The following NKAIN3 variants were observed in gnomAD, a reference collection of about 807,000 sequenced individuals.
NKAIN3 encodes the protein sodium/potassium transporting ATPase interacting 3, also known as sodium/potassium-transporting ATPase subunit beta-1-interacting protein 3.
In NKAIN3, 25 loss-of-function variants were observed where a neutral mutation model predicts 30.2. That is an observed-to-expected ratio of 0.83 (90% CI 0.60 to 1.16). NKAIN3 has a LOEUF of 1.16. NKAIN3 is among the 50% of genes most tolerant of loss of function. The probability of loss-of-function intolerance (pLI) is 0.00; values close to 1 mark genes in which losing one functional copy is unlikely to be tolerated. For missense variants in NKAIN3, 225 were observed against 254.1 expected (o/e 0.89, Z 0.78); for synonymous variants, 91 against 89.6 (o/e 1.02, Z -0.09).
chr8:62,835,956 T>C (rs147672534), intron 4 of NKAIN3, among the ~76,000 whole-genome samples: 19 of 152,092 alleles, frequency 1.2e-4, no homozygotes, highest in African/African-American at 4.1e-4. Context: ...CAGTGGTGGA[T>C]TGGATAAAGA....
chr8:62,374,590 A>C (rs891584009), intron 1 of NKAIN3, among the ~76,000 whole-genome samples: 7 of 152,218 alleles, frequency 4.6e-5, no homozygotes, highest in African/African-American at 1.7e-4. Flanking sequence ...TTCTTGGTGC[A>C]AATTGTACAT....
chr8:62,989,055 T>C (rs923021718), downstream of NKAIN3, among the ~76,000 whole-genome samples: 8 of 152,210 alleles, frequency 5.3e-5, no homozygotes, highest in Non-Finnish European at 1.2e-4. Flanking sequence ...ACAAGTTCCT[T>C]ATCTCCATCT....
chr8:62,667,375 AAAT>A (rs1444304576), intron 3 of NKAIN3, among the ~76,000 whole-genome samples: 15 of 145,092 alleles, frequency 1.0e-4, no homozygotes, highest in Non-Finnish European at 1.0e-4. Flanking sequence ...ATATATATAT[AAAT>A]ATATATATAT....
chr8:62,456,624 G>A (rs186451522), intron 1 of NKAIN3, among the ~76,000 whole-genome samples: 1 of 152,248 alleles, frequency 6.6e-6, no homozygotes, highest in East Asian at 1.9e-4. Flanking sequence ...TCATAGGTTT[G>A]CCTTGGCCTT....
At chr8:62,859,097 C>G (rs759898091) in intron 4 of NKAIN3, among the ~76,000 whole-genome samples, 1 of 152,164 alleles carries the variant, frequency 6.6e-6, no homozygotes, top group Non-Finnish European at 1.5e-5. Context: ...TCTCCTGATC[C>G]GCAGGTTGCA....
At chr8:62,280,427 G>A (rs1460237521) in intron 1 of NKAIN3, among the ~76,000 whole-genome samples, 2 of 152,106 alleles carry the variant, frequency 1.3e-5, no homozygotes, top group Non-Finnish European at 2.9e-5. Context: ...TAGGAGTGGT[G>A]AGAGACGGCA....
At chr8:62,627,977 T>C (rs925619610) in intron 3 of NKAIN3, among the ~76,000 whole-genome samples, 14 of 152,140 alleles carry the variant, frequency 9.2e-5, no homozygotes, top group South Asian at 2.1e-4. Context: ...ACAGGCCTTC[T>C]TCCTGGCACT....
intron 1 of NKAIN3, among the ~76,000 whole-genome samples, chr8:62,552,222 A>T (rs1809240162): frequency 6.6e-6 from 1 of 152,302 alleles, no homozygotes; most frequent in East Asian, 1.9e-4. Context: ...CATTTATTTT[A>T]AGAAAATTTA....
At chr8:62,526,834 G>GGCTTA (rs1374507759) in intron 1 of NKAIN3, among the ~76,000 whole-genome samples, 4 of 152,080 alleles carry the variant, frequency 2.6e-5, no homozygotes, top group Non-Finnish European at 4.4e-5. Flanking sequence ...ATTTGGTTAA[G>GGCTTA]GCTTAGCCCG....
rs896331971 is a variant in NKAIN3, at chr8:62,965,683, G to A, written c.*276G>A. On this transcript the variant is annotated 3_prime_UTR_variant, in exon 7 of 7. Transcript: ENST00000623646. ...AAATTTTTAACAATATTTAATGTGAGGCATGCAAAATGAAAAAGCAAATCT... is the reference window on the plus strand; with the variant it reads ...AAATTTTTAACAATATTTAATGTGAAGCATGCAAAATGAAAAAGCAAATCT... 3.1e-6 allele frequency: 3 copies of A among 979,966 alleles called. No individual in the cohort carries two copies. Among genetic ancestry groups the A allele is most frequent in the African/African-American group, 1.8e-5 (1 of 56,882 alleles). The allele number at this position is 979,966 out of a possible 1,614,324, so 60.7% of individuals were successfully genotyped here.
chr8:62,503,587 AC>A (rs949815556), intron 1 of NKAIN3, among the ~76,000 whole-genome samples: 2 of 151,914 alleles, frequency 1.3e-5, no homozygotes, highest in African/African-American at 4.8e-5. Flanking sequence ...CCTTATCTCA[AC>A]CGCATAGGAC....
chr8:62,356,473 C>T (rs1816360882), intron 1 of NKAIN3, among the ~76,000 whole-genome samples: 1 of 152,052 alleles, frequency 6.6e-6, no homozygotes, highest in Non-Finnish European at 1.5e-5. Context: ...TTGTTGGCAC[C>T]CATATCCACC....
chr8:62,671,421 C>T (rs1813300051), intron 3 of NKAIN3, among the ~76,000 whole-genome samples: 1 of 152,084 alleles, frequency 6.6e-6, no homozygotes, highest in Non-Finnish European at 1.5e-5. Flanking sequence ...AACATCTCTT[C>T]TTCATGACAT....
chr8:62,485,062 G>C (rs1043262460), intron 1 of NKAIN3, among the ~76,000 whole-genome samples: 1 of 152,264 alleles, frequency 6.6e-6, no homozygotes, highest in African/African-American at 2.4e-5. Context: ...TGACTGTCAG[G>C]AACAACAGAG....
At chr8:62,912,547 T>A (rs1407548393) in intron 4 of NKAIN3, among the ~76,000 whole-genome samples, 1 of 152,208 alleles carries the variant, frequency 6.6e-6, no homozygotes, top group Non-Finnish European at 1.5e-5. Context: ...AAAAATATTT[T>A]TTCTTTACAT....
At chr8:62,675,386 G>A (rs1273819091) in intron 3 of NKAIN3, among the ~76,000 whole-genome samples, 1 of 152,144 alleles carries the variant, frequency 6.6e-6, no homozygotes, top group Non-Finnish European at 1.5e-5. Flanking sequence ...GCAAATCAAA[G>A]TTAATGCTTT....
At chr8:62,687,106 T>G (rs937532537) in intron 3 of NKAIN3, among the ~76,000 whole-genome samples, 4 of 152,198 alleles carry the variant, frequency 2.6e-5, no homozygotes, top group Admixed American at 2.0e-4. Flanking sequence ...TGAGTGCATT[T>G]TACATAAATT....
chr8:62,379,202 G>T (rs1209139391), intron 1 of NKAIN3, among the ~76,000 whole-genome samples: 1 of 152,106 alleles, frequency 6.6e-6, no homozygotes. Context: ...ACTTGTAGTG[G>T]GTGTATTTAT....
chr8:62,292,420 A>C (rs1042034141), intron 1 of NKAIN3, among the ~76,000 whole-genome samples: 1 of 152,126 alleles, frequency 6.6e-6, no homozygotes, highest in Non-Finnish European at 1.5e-5. Context: ...AGCTCTTGTA[A>C]GGCAGGCCTG....
Sources: gnomAD v4.1 joint callset for allele counts (sites outside exome capture counted in the v4.1 genomes callset) on GRCh38, gnomAD v4.1.1 for gene constraint, MANE v1.5 for transcripts, NCBI Gene and HGNC (gene_info 2026-07-23, HGNC 2026-07-21) for gene names.